Variants in PEG3 observed in about 807,000 individuals in gnomAD.
PEG3 encodes paternally-expressed gene 3 protein.
Under a neutral mutation model 35.5 loss-of-function variants are expected in PEG3, and 23 were observed. That is an observed-to-expected ratio of 0.65 (90% CI 0.47 to 0.92). The LOEUF (loss-of-function observed/expected upper bound fraction) is 0.92. Among genes scored for constraint, PEG3 ranks in the 40% least tolerant of loss-of-function variants. The pLI is 0.00. For synonymous variants in PEG3, 707 were observed against 697.0 expected (o/e 1.01, Z -0.23); for missense variants, 1,960 against 1,985.3 (o/e 0.99, Z 0.24).
rs1396379618 is a variant in PEG3, at chr19:56,821,661, G to T, written c.659C>A (p.Ser220Tyr). Residue 220 changes from serine (S) to tyrosine (Y), a missense_variant, in exon 7 of 10, where the codon TCC becomes TAC. This residue lies in a region of PEG3 where 613 missense variants were observed against 577.1 expected (regional missense o/e 1.06). Transcript: ENST00000326441. ...GAAACCTGAGCATACCTGAGATCGG[G>T]ACTCATAAGCCCTGGAGTCCCTGTC... is the stretch of plus-strand genomic sequence containing the variant. ...EDDRDSRAYE[S>Y]RSQDAESYQN... 2 of 1,613,940 alleles carry T rather than the reference G, an allele frequency of 1.2e-6. No individual in the cohort carries two copies. Among genetic ancestry groups the T allele is most frequent in the Non-Finnish European group, 1.7e-6 (2 of 1,180,002 alleles).
At chr19:56,823,487 G>A in intron 5 of PEG3, 106 bp downstream of exon 5, 3 of 1,341,354 alleles carry the variant, frequency 2.2e-6, no homozygotes, top group Non-Finnish European at 2.1e-6. Flanking sequence ...TGACCACTCG[G>A]GGATGGCGGG....
chr19:56,810,313 G>A lies in PEG3; in HGVS notation c.*3362C>T. 1.0e-6 allele frequency: 1 copy of A among 983,268 alleles called. No homozygotes were observed. The highest frequency in any genetic ancestry group is 1.7e-5 in the African/African-American group (1 of 57,316). The allele number at this position is 983,268 out of a possible 1,614,324, so 60.9% of individuals were successfully genotyped here. ...TATAATGGAAATATATGTAGTAAAG[G>A]TGGACTACCAAAACACTAGAATGAT... On this transcript the variant is annotated 3_prime_UTR_variant, in exon 10 of 10. Transcript: ENST00000326441.
In PEG3 at chr19:56,816,298, C is replaced by T; in HGVS notation, c.2144G>A (p.Gly715Asp). The T allele has an allele frequency of 2.5e-6, 4 of 1,614,012 alleles. No individual in the cohort carries two copies. The highest frequency in any genetic ancestry group is 3.4e-6 in the Non-Finnish European group (4 of 1,179,878). The change falls in exon 10 of 10, where the codon GGC becomes GAC. Residue 715 changes from glycine (G) to aspartate (D), a missense_variant. Physicochemically the swap from Gly to Asp is moderately conservative, Grantham distance 94. Coordinates refer to ENST00000326441, the MANE Select transcript of PEG3 (RefSeq NM_006210.3). ...AATGACAGATTTCTCATACCCTCTG[C>T]CTTCAAAGAGGTTCTTTCGAGAATG... Reference protein sequence around the residue: ...KIHSRKNLFEGRGYEKSVIHS... With the variant: ...KIHSRKNLFEDRGYEKSVIHS...
chr19:56,818,548 C>T lies in PEG3; in HGVS notation c.772+52G>A, dbSNP rs1600979868. 4.4e-6 allele frequency: 7 copies of T among 1,598,426 alleles called. No individual in the cohort carries two copies. The East Asian group carries it at 1.6e-4, about 36-fold the overall frequency. ...TCCAGCTTAAAAAGGAGCAAGATGACAAAATGCTCCAATGACTGGACTGGG... is the reference window on the plus strand; with the variant it reads ...TCCAGCTTAAAAAGGAGCAAGATGATAAAATGCTCCAATGACTGGACTGGG... On this transcript the variant is annotated intron_variant, in intron 8 of 9. Transcript: ENST00000326441.
chr19:56,812,068 T>C lies in PEG3; in HGVS notation c.*1607A>G, dbSNP rs1419069967. 8 of 982,924 alleles carry C rather than the reference T, an allele frequency of 8.1e-6. No homozygotes were observed. The highest frequency in any genetic ancestry group is 9.7e-6 in the Non-Finnish European group (8 of 828,092). 60.9% of individuals were successfully genotyped at this position (982,924 alleles called of 1,614,324 possible). A position where few individuals can be genotyped will look rare whatever the true frequency, so the allele number is the denominator to read the frequency against. On this transcript the variant is annotated 3_prime_UTR_variant, in exon 10 of 10. Coordinates refer to ENST00000326441, the MANE Select transcript of PEG3 (RefSeq NM_006210.3). ...CAGACACATTTCCCCCAGTGGGTAC[T>C]TTAATTTTGCTTGTTCAAATGATCT...
intron 1 of PEG3, among the ~76,000 whole-genome samples, chr19:56,836,969 CAAAAAAAAAAAAAA>C (rs573566620): frequency 2.6e-5 from 3 of 116,990 alleles, no homozygotes; most frequent in African/African-American, 7.3e-5. Flanking sequence ...GACTCTGTCT[CAAAAAAAAAAAAAA>C]AAAAAAAAAA....
intron 2 of PEG3, among the ~76,000 whole-genome samples, chr19:56,834,151 C>T (rs1377849536): frequency 1.3e-5 from 2 of 152,060 alleles, no homozygotes; most frequent in South Asian, 2.1e-4. Context: ...CAATAATTGG[C>T]TCATCTGATT....
chr19:56,839,492 C>T (rs1003324875), intron 1 of PEG3, among the ~76,000 whole-genome samples: 3 of 151,974 alleles, frequency 2.0e-5, no homozygotes, highest in Admixed American at 6.6e-5. Context: ...CCATATGCCA[C>T]CAACCAACCA....
At position 56,813,833 on chromosome 19, in the gene PEG3, T is replaced by G; in HGVS notation, c.4609A>C (p.Asn1537His). 6.2e-7 allele frequency: 1 copy of G among 1,614,206 alleles called. No individual in the cohort carries two copies. The highest frequency in any genetic ancestry group is 2.2e-5 in the East Asian group (1 of 44,868). The change falls in exon 10 of 10, where the codon AAT (asparagine) becomes CAT (histidine). Residue 1537 changes from asparagine to histidine, a missense_variant. Physicochemically the swap from Asn to His is moderately conservative, Grantham distance 68. This residue lies in a region of PEG3 where 416 missense variants were observed against 416.7 expected (regional missense o/e 1.00). Transcript: ENST00000326441. Reference sequence around the variant, plus strand: ...TAGCCTGAGCACTCCCCAAAGGCATTTGCAGGCTCAAATATGATCATGCTG... The same window carrying G: ...TAGCCTGAGCACTCCCCAAAGGCATGTGCAGGCTCAAATATGATCATGCTG... ...HASMIIFEPA[N>H]AFGECSGYIE...
Position 56,821,710 on chromosome 19 carries a change from T to C in PEG3, c.610A>G (p.Ser204Gly), listed in dbSNP as rs374196455. 110 of 1,613,888 alleles carry C rather than the reference T, an allele frequency of 6.8e-5. No individual in the cohort carries two copies. Among genetic ancestry groups the C allele is most frequent in the Non-Finnish European group, 8.8e-5 (104 of 1,180,014 alleles). The change falls in exon 7 of 10, where the codon AGC becomes GGC. Residue 204 changes from serine to glycine, a missense_variant. By Grantham distance (56) the Ser-to-Gly change is moderately conservative. Around this residue, in one of 5 missense-constraint regions of PEG3, gnomAD observed 613 missense variants for 577.1 expected, o/e 1.06. Transcript: ENST00000326441. ...DLSLPVVAKT[S>G]FEMDREDDRD... ...TCGTCCTCTCTGTCCATTTCAAAGC[T>C]TGTTTTCGCCACCACAGGAAGGGAA...
At chr19:56,826,041 T>C (rs2060996221) in intron 3 of PEG3, among the ~76,000 whole-genome samples, 1 of 152,198 alleles carries the variant, frequency 6.6e-6, no homozygotes. Context: ...GCCTCGATCC[T>C]GAAGACCTTA....
rs1293902992 is a variant in PEG3 at position 56,836,925 on chromosome 19, ACGCCAC to A, written c.-249-827_-249-822del. 4.2e-5 allele frequency among the ~76,000 whole-genome samples: 6 copies of A among 142,904 alleles called. No homozygotes were observed. The East Asian group carries it at 1.4e-3, about 33-fold the overall frequency. 93.8% of individuals were successfully genotyped at this position (142,904 alleles called of 152,430 possible). The stretch of plus-strand genomic sequence containing the variant: ...GCAGAGGCTGCAGTGAGCCAAGATC[ACGCCAC>A]CACACTCCAGCCTGGGTGAGAGGGC... On this transcript the variant is annotated intron_variant, in intron 1 of 9. Transcript: ENST00000326441.
In PEG3 at chr19:56,815,330, G is replaced by A. The variant is rs1481696857; in HGVS notation, c.3112C>T (p.Gln1038Ter). 6.2e-7 allele frequency: 1 copy of A among 1,614,092 alleles called. No individual in the cohort carries two copies. Among genetic ancestry groups the A allele is most frequent in the African/African-American group, 1.3e-5 (1 of 74,940 alleles). Reference sequence around the variant, plus strand: ...AGGTCTTCGCTGGTAGCAAAAAATTGTCTGAAGTCCTTACATTTGTTCCGC... The same window carrying A: ...AGGTCTTCGCTGGTAGCAAAAAATTATCTGAAGTCCTTACATTTGTTCCGC... ...QARNKCKDFR[Q>*]FFATSEDLNT... is the part of the protein sequence containing the mutation. Residue 1038 changes from glutamine (Q) to a stop codon, truncating the protein, a stop_gained, in exon 10 of 10, where the codon CAA (glutamine) becomes TAA (stop). Transcript: ENST00000326441. LOFTEE classifies it low-confidence loss of function (END_TRUNC).
chr19:56,830,839 G>C (rs2061503155), intron 2 of PEG3, among the ~76,000 whole-genome samples: 2 of 152,124 alleles, frequency 1.3e-5, no homozygotes, highest in South Asian at 4.1e-4. Flanking sequence ...AGAGGCTGAT[G>C]CAGGGGGGCC....
intron 9 of PEG3, 43 bp from the exon 10 acceptor site, chr19:56,817,622 A>G: frequency 6.5e-7 from 1 of 1,543,768 alleles, no homozygotes; most frequent in Non-Finnish European, 8.8e-7. Context: ...AGTCCCCATA[A>G]GAAGGACAGT....
In PEG3 at chr19:56,812,858, T is replaced by C. The variant is rs768778215; in HGVS notation, c.*817A>G. The C allele has an allele frequency of 8.1e-6, 8 of 985,572 alleles. No individual in the cohort carries two copies. The highest frequency in any genetic ancestry group is 9.6e-6 in the Non-Finnish European group (8 of 829,906). 61.1% of individuals were successfully genotyped at this position (985,572 alleles called of 1,614,324 possible). On this transcript the variant is annotated 3_prime_UTR_variant, in exon 10 of 10. Coordinates refer to ENST00000326441, the MANE Select transcript of PEG3 (RefSeq NM_006210.3). ...CCCAGAACACAAATGTGTAATATTTTTGCATGAGAACCACTTCAACAAACA... is the reference window on the plus strand; with the variant it reads ...CCCAGAACACAAATGTGTAATATTTCTGCATGAGAACCACTTCAACAAACA...
At chr19:56,840,215 G>T (rs1011713299) in intron 1 of PEG3, among the ~76,000 whole-genome samples, 3 of 152,206 alleles carry the variant, frequency 2.0e-5, no homozygotes, top group African/African-American at 4.8e-5. Flanking sequence ...CAGAGCCCCC[G>T]GCTGTCTGCC....
chr19:56,814,505 A>T lies in PEG3; in HGVS notation c.3937T>A (p.Ser1313Thr). 2 of 1,613,380 alleles carry T rather than the reference A, an allele frequency of 1.2e-6. No individual in the cohort carries two copies. Among genetic ancestry groups the T allele is most frequent in the Non-Finnish European group, 1.7e-6 (2 of 1,179,352 alleles). ...AGAAATGAGGTGTGAGTATAGGAGGACCCGTACTCATAGGGCTCATTCTTA... is the reference window on the plus strand; with the variant it reads ...AGAAATGAGGTGTGAGTATAGGAGGTCCCGTACTCATAGGGCTCATTCTTA... Reference protein sequence around the residue: ...VHKNEPYEYGSSYTHTSFLTE... With the variant: ...VHKNEPYEYGTSYTHTSFLTE... The change falls in exon 10 of 10, where the codon TCC becomes ACC. Residue 1313 changes from serine to threonine, a missense_variant. By Grantham distance (58) the Ser-to-Thr change is moderately conservative. Around this residue, in one of 5 missense-constraint regions of PEG3, gnomAD observed 416 missense variants for 416.7 expected, o/e 1.00. Coordinates refer to ENST00000326441, the MANE Select transcript of PEG3 (RefSeq NM_006210.3). The surrounding 1 kb of genome is among the most constrained non-coding windows in gnomAD (Gnocchi z 5.8).
chr19:56,824,791 C>A, intron 3 of PEG3, 50 bp from the exon 4 acceptor site: 1 of 831,362 alleles, frequency 1.2e-6, no homozygotes, highest in Non-Finnish European at 1.9e-6. Context: ...GAAGACCAGG[C>A]AGCAGTGGAG....
Sources: allele counts gnomAD v4.1 joint callset (sites outside exome capture counted in the v4.1 genomes callset), GRCh38; gene constraint gnomAD v4.1.1; regional missense constraint gnomAD v4.1.1; non-coding constraint Gnocchi (gnomAD v3.1); transcripts MANE v1.5; gene names NCBI Gene and HGNC (gene_info 2026-07-23, HGNC 2026-07-21).